Variants in AFTPH observed in about 807,000 individuals in gnomAD.
AFTPH encodes the protein aftiphilin protein.
Under a neutral mutation model 72.5 loss-of-function variants are expected in AFTPH, and 7 were observed. That is an observed-to-expected ratio of 0.10 (90% CI 0.05 to 0.18). AFTPH has a LOEUF of 0.18. Among genes scored for constraint, AFTPH ranks in the 10% least tolerant of loss-of-function variants. The probability of loss-of-function intolerance (pLI) is 1.00; values close to 1 mark genes in which losing one functional copy is unlikely to be tolerated. For missense variants in AFTPH, 979 were observed against 1,060.5 expected (o/e 0.92, Z 1.07); for synonymous variants, 337 against 370.1 (o/e 0.91, Z 1.03).
chr2:64,573,904 C>G (rs886672452), intron 6 of AFTPH, among the ~76,000 whole-genome samples: 1 of 152,200 alleles, frequency 6.6e-6, no homozygotes, highest in Non-Finnish European at 1.5e-5. Context: ...ATCCACCCAC[C>G]TTGGCTTCCC....
intron 1 of AFTPH, among the ~76,000 whole-genome samples, chr2:64,531,326 A>G (rs1048755922): frequency 2.0e-5 from 3 of 152,158 alleles, no homozygotes; most frequent in Non-Finnish European, 2.9e-5. Flanking sequence ...TTATAATAAA[A>G]TCACTCCTAC....
chr2:64,584,878 G>A (rs1419417342), intron 7 of AFTPH, among the ~76,000 whole-genome samples: 6 of 152,140 alleles, frequency 3.9e-5, no homozygotes, highest in Non-Finnish European at 4.4e-5. Flanking sequence ...TTACAGGCGT[G>A]AGCCACCGCG....
chr2:64,560,943 C>A (rs1157922977), intron 2 of AFTPH, among the ~76,000 whole-genome samples: 1 of 152,158 alleles, frequency 6.6e-6, no homozygotes, highest in African/African-American at 2.4e-5. Context: ...CTAGTTCTGG[C>A]TCTTGTTAGT....
At chr2:64,559,899 T>G (rs1418947925) in intron 2 of AFTPH, among the ~76,000 whole-genome samples, 1 of 152,108 alleles carries the variant, frequency 6.6e-6, no homozygotes, top group Admixed American at 6.5e-5. Flanking sequence ...GAAATGGGAT[T>G]TTGCCATGTT....
At chr2:64,565,676 T>G (rs1195146454) in intron 2 of AFTPH, among the ~76,000 whole-genome samples, 1 of 152,226 alleles carries the variant, frequency 6.6e-6, no homozygotes. Flanking sequence ...ATACCCATGC[T>G]TATTCCTTTA....
At chr2:64,552,191 A>T (rs1264139488) in exon 2 of AFTPH, 1 of 1,613,956 alleles carries the variant, frequency 6.2e-7, no homozygotes. Flanking sequence ...CATTTTCCAA[A>T]AAGGAAAGGA....
chr2:64,576,884 G>T (rs985764281), intron 6 of AFTPH, among the ~76,000 whole-genome samples: 1 of 150,714 alleles, frequency 6.6e-6, no homozygotes, highest in Non-Finnish European at 1.5e-5. Flanking sequence ...TCAGCCTCCT[G>T]AGTAGCTGGG....
chr2:64,550,979 A>AT (rs922921984), intron 1 of AFTPH, among the ~76,000 whole-genome samples: 14 of 152,356 alleles, frequency 9.2e-5, no homozygotes, highest in African/African-American at 3.1e-4. Flanking sequence ...TGAAGAAAAT[A>AT]TTTGTAACAA....
chr2:64,553,360 A>C, exon 2 of AFTPH: 3 of 1,607,290 alleles, frequency 1.9e-6, no homozygotes, highest in Non-Finnish European at 2.5e-6. Flanking sequence ...GCAACTTCCA[A>C]AGGAGCAGTT....
rs571596393 is a variant in AFTPH at position 64,584,259 on chromosome 2, ATTG to A, written c.2456-1158_2456-1156del. Among the ~76,000 whole-genome samples the A allele has an allele frequency of 1.9e-3, 289 of 152,110 alleles. 1 individual carries two copies. The highest frequency in any genetic ancestry group is 6.5e-3 in the African/African-American group (270 of 41,516). On this transcript the variant is annotated intron_variant, in intron 7 of 8. Transcript: ENST00000238856. Reference sequence around the variant, plus strand: ...TATTTAAACTGTTCTTTTTAATGTTATTGTTGTCATCATTGCTATAAATCTGTA... The same window carrying A: ...TATTTAAACTGTTCTTTTTAATGTTATTGTCATCATTGCTATAAATCTGTA...
chr2:64,563,536 T>A (rs1400710303), intron 2 of AFTPH, among the ~76,000 whole-genome samples: 1 of 152,264 alleles, frequency 6.6e-6, no homozygotes, highest in Non-Finnish European at 1.5e-5. Flanking sequence ...TTATTTTAAC[T>A]TCTCTTCTTC....
At chr2:64,579,421 T>A in intron 6 of AFTPH, 65 bp from the exon 7 acceptor site, 1 of 1,335,676 alleles carries the variant, frequency 7.5e-7, no homozygotes. Context: ...TTTTTTTTTT[T>A]AAGGATTCTT....
intron 5 of AFTPH, among the ~76,000 whole-genome samples, chr2:64,570,018 T>C (rs576629091): frequency 2.5e-4 from 38 of 152,336 alleles, no homozygotes; most frequent in Non-Finnish European, 4.7e-4. Flanking sequence ...AAAGATATCA[T>C]TTATTTTAAT....
exon 9 of AFTPH, chr2:64,592,660 T>G (rs1210650909): frequency 6.6e-6 from 1 of 152,608 alleles, no homozygotes; most frequent in Non-Finnish European, 1.5e-5. Context: ...TTGGAGGGGT[T>G]TAAAGAGATT....
rs543973716 is a variant in AFTPH, at chr2:64,549,632, T to C, written c.-32-1811T>C. 9.9e-5 allele frequency among the ~76,000 whole-genome samples: 15 copies of C among 152,224 alleles called. No individual in the cohort carries two copies. The South Asian group carries it at 3.1e-3, about 32-fold the overall frequency. ...TTTGCTTGTAATGTTAAATCTGACC[T>C]GTGGAACTTTTGACTCCTCAGCACA... On this transcript the variant is annotated intron_variant, in intron 1 of 8. Coordinates refer to ENST00000238856, the Ensembl canonical transcript of AFTPH.
chr2:64,584,292 A>G (rs1055734476), intron 7 of AFTPH, among the ~76,000 whole-genome samples: 7 of 152,088 alleles, frequency 4.6e-5, no homozygotes, highest in Non-Finnish European at 1.0e-4. Context: ...TCTGTATTAC[A>G]TGAGAAATAC....
rs528298942 is a variant in AFTPH, at chr2:64,545,249, T to C, written c.-32-6194T>C. The stretch of plus-strand genomic sequence containing the variant: ...TGGTACAGCTACTCTGGAAAAGAGT[T>C]TGGCAGTTTTTTACATAACTAAACA... On this transcript the variant is annotated intron_variant, in intron 1 of 8. Coordinates refer to ENST00000238856, the Ensembl canonical transcript of AFTPH. 2.0e-5 allele frequency among the ~76,000 whole-genome samples: 3 copies of C among 152,118 alleles called. No individual in the cohort carries two copies. The East Asian group carries it at 5.8e-4, about 29-fold the overall frequency.
chr2:64,580,291 CTA>C (rs1673111772), intron 7 of AFTPH: 1 of 152,620 alleles, frequency 6.6e-6, no homozygotes, highest in Non-Finnish European at 1.5e-5. Context: ...GAGCCATTGT[CTA>C]AACACCTATC....
chr2:64,548,407 GAAAAAAAAAAAAAAAA>G (rs57995634), intron 1 of AFTPH, among the ~76,000 whole-genome samples: 1 of 59,970 alleles, frequency 1.7e-5, no homozygotes, highest in Non-Finnish European at 3.3e-5. Flanking sequence ...CTCAAAAAAA[GAAAAAAAAAAAAAAAA>G]AAAAAAAAAA....
Sources: allele counts gnomAD v4.1 joint callset (sites outside exome capture counted in the v4.1 genomes callset), GRCh38; gene constraint gnomAD v4.1.1; transcripts MANE v1.5; gene names NCBI Gene and HGNC (gene_info 2026-07-23, HGNC 2026-07-21).